The following NTN4 variants were observed in gnomAD, a reference collection of about 807,000 sequenced individuals.
The protein encoded by NTN4 is netrin 4, also known as netrin-4.
Under a neutral mutation model 73.6 loss-of-function variants are expected in NTN4, and 32 were observed. The ratio of observed to expected loss-of-function variants is 0.44; its 90% confidence interval spans 0.33 to 0.58. The LOEUF (loss-of-function observed/expected upper bound fraction) is 0.58, where lower values mean the gene tolerates loss of function less well. Among genes scored for constraint, NTN4 ranks in the 20% least tolerant of loss-of-function variants. The pLI, the probability that NTN4 is intolerant of heterozygous loss-of-function variation, is 0.04. For missense variants in NTN4, 654 were observed against 798.3 expected (o/e 0.82, Z 2.18); for synonymous variants, 258 against 287.5 (o/e 0.90, Z 1.04).
In NTN4 at chr12:95,658,963, A is replaced by G; in HGVS notation, c.*123T>C. The G allele has an allele frequency of 3.6e-6, 3 of 836,502 alleles. No homozygotes were observed. The highest frequency in any genetic ancestry group is 5.6e-6 in the Non-Finnish European group (3 of 537,186). 51.8% of individuals were successfully genotyped at this position (836,502 alleles called of 1,614,324 possible). On this transcript the variant is annotated 3_prime_UTR_variant, in exon 10 of 10. Coordinates refer to ENST00000343702, the MANE Select transcript of NTN4 (RefSeq NM_021229.4). Reference sequence around the variant, plus strand: ...GAGATAAGTTAGATAAGACCCATGCATTCAAACATTTCTATATGTTTTGGC... The same window carrying G: ...GAGATAAGTTAGATAAGACCCATGCGTTCAAACATTTCTATATGTTTTGGC...
At chr12:95,659,717 A>G (rs2078121462) in intron 9 of NTN4, among the ~76,000 whole-genome samples, 1 of 152,230 alleles carries the variant, frequency 6.6e-6, no homozygotes, top group Non-Finnish European at 1.5e-5. Context: ...GATCTCATTT[A>G]GCTTTGAAAA....
intron 2 of NTN4, among the ~76,000 whole-genome samples, chr12:95,750,593 C>A (rs961251471): frequency 2.0e-5 from 3 of 152,188 alleles, no homozygotes; most frequent in Non-Finnish European, 4.4e-5. Flanking sequence ...TGCCTGACGT[C>A]CAGGCATTCT....
chr12:95,687,656 C>T (rs750156091), intron 5 of NTN4, among the ~76,000 whole-genome samples: 6 of 152,118 alleles, frequency 3.9e-5, no homozygotes, highest in Non-Finnish European at 5.9e-5. Context: ...CTGAGTCAGC[C>T]TCCCAAAGTG....
intron 7 of NTN4, chr12:95,670,992 A>ATT (rs1565878371): frequency 1.6e-4 from 10 of 63,030 alleles, no homozygotes; most frequent in African/African-American, 6.2e-4. Context: ...ATGTATGTAT[A>ATT]TATTTATTTA....
chr12:95,740,311 T>C (rs1476007445), intron 2 of NTN4, among the ~76,000 whole-genome samples: 2 of 152,154 alleles, frequency 1.3e-5, no homozygotes, highest in Non-Finnish European at 1.5e-5. Flanking sequence ...GAAGCCTGTA[T>C]GGCATGAGTG....
At chr12:95,710,750 C>G in intron 4 of NTN4, 121 bp from the exon 5 acceptor site, 1 of 880,370 alleles carries the variant, frequency 1.1e-6, no homozygotes, top group Non-Finnish European at 1.7e-6. Flanking sequence ...CACCTGTAAT[C>G]CCAGCACTTG....
At chr12:95,681,964 T>A (rs1028164605) in intron 7 of NTN4, among the ~76,000 whole-genome samples, 1 of 152,072 alleles carries the variant, frequency 6.6e-6, no homozygotes, top group Non-Finnish European at 1.5e-5. Flanking sequence ...ACATCTAGCT[T>A]TTGCTTTGTA....
chr12:95,699,556 G>A (rs2078467556), intron 5 of NTN4, among the ~76,000 whole-genome samples: 1 of 151,854 alleles, frequency 6.6e-6, no homozygotes, highest in African/African-American at 2.4e-5. Context: ...TAGAGACTGA[G>A]GCAAGAGAGT....
chr12:95,671,103 A>G (rs943577454), intron 7 of NTN4: 1 of 152,148 alleles, frequency 6.6e-6, no homozygotes, highest in African/African-American at 2.4e-5. Context: ...GGTTCAAGCA[A>G]TTCTCCTGTC....
At chr12:95,785,851 G>A (rs1216329411) in intron 2 of NTN4, among the ~76,000 whole-genome samples, 4 of 152,266 alleles carry the variant, frequency 2.6e-5, no homozygotes, top group South Asian at 2.1e-4. Context: ...ATGCCTAATC[G>A]TCCAGGCTGT....
intron 2 of NTN4, among the ~76,000 whole-genome samples, chr12:95,775,800 A>G (rs1412664245): frequency 6.6e-6 from 1 of 152,238 alleles, no homozygotes. Flanking sequence ...CTGCAGACTT[A>G]AATGTCCCTG....
intron 9 of NTN4, among the ~76,000 whole-genome samples, chr12:95,665,009 G>A (rs1186616433): frequency 6.6e-6 from 1 of 151,990 alleles, no homozygotes; most frequent in Non-Finnish European, 1.5e-5. Flanking sequence ...ATTATGATTT[G>A]TTTTATTAGA....
intron 2 of NTN4, among the ~76,000 whole-genome samples, chr12:95,742,995 A>G (rs1027290145): frequency 3.3e-5 from 5 of 152,244 alleles, no homozygotes; most frequent in African/African-American, 1.2e-4. Context: ...ATGTATAAAC[A>G]CTATGTAAAA....
intron 2 of NTN4, among the ~76,000 whole-genome samples, chr12:95,774,197 G>A (rs1307782115): frequency 1.6e-5 from 2 of 128,466 alleles, no homozygotes; most frequent in African/African-American, 2.8e-5. Context: ...AAAAAAAAAA[G>A]ATTGGCATTA....
chr12:95,752,947 G>T (rs2078921241), intron 2 of NTN4, among the ~76,000 whole-genome samples: 1 of 151,926 alleles, frequency 6.6e-6, no homozygotes, highest in South Asian at 2.1e-4. Flanking sequence ...CTGCTCCCCG[G>T]CTCCTTCAGC....
chr12:95,700,955 A>G (rs1261599566), intron 5 of NTN4, among the ~76,000 whole-genome samples: 1 of 151,594 alleles, frequency 6.6e-6, no homozygotes, highest in East Asian at 1.9e-4. Flanking sequence ...CTGGGACTAC[A>G]GGCGCCCTCC....
rs748607805 is a variant in NTN4 at position 95,659,074 on chromosome 12, T to C, written c.*12A>G. 4 of 1,606,780 alleles carry C rather than the reference T, an allele frequency of 2.5e-6. No individual in the cohort carries two copies. The East Asian group carries it at 6.7e-5, about 27-fold the overall frequency. ...CATAGACAAGTGCCATTATGTGCTA[T>C]CCATCTTAATGCTACTTGCACTCTC... On this transcript the variant is annotated 3_prime_UTR_variant, in exon 10 of 10. Transcript: ENST00000343702.
chr12:95,684,421 C>T (rs1422552034), intron 5 of NTN4, among the ~76,000 whole-genome samples: 2 of 151,936 alleles, frequency 1.3e-5, no homozygotes, highest in Admixed American at 6.6e-5. Context: ...GCCTTAGTCT[C>T]CCGAGTAGGT....
intron 2 of NTN4, among the ~76,000 whole-genome samples, chr12:95,750,827 A>G (rs2078901273): frequency 6.6e-6 from 1 of 152,032 alleles, no homozygotes; most frequent in Non-Finnish European, 1.5e-5. Flanking sequence ...TCTCCACCCT[A>G]TAATCCTTTT....
Sources: gnomAD v4.1 joint callset for allele counts (sites outside exome capture counted in the v4.1 genomes callset) on GRCh38, gnomAD v4.1.1 for gene constraint, MANE v1.5 for transcripts, NCBI Gene and HGNC (gene_info 2026-07-23, HGNC 2026-07-21) for gene names.